Variants in NRXN3 observed in about 807,000 individuals in gnomAD.
NRXN3 encodes neurexin III.
A neutral mutation model predicts 137.6 loss-of-function variants in NRXN3; 32 were observed. The ratio of observed to expected loss-of-function variants is 0.23; its 90% CI spans 0.18 to 0.31. NRXN3 has a LOEUF of 0.31. Ranked by LOEUF, NRXN3 falls within the 10% of genes least tolerant of loss-of-function variation. The probability of loss-of-function intolerance (pLI) is 1.00; values close to 1 mark genes in which losing one functional copy is unlikely to be tolerated. For synonymous variants in NRXN3, 798 were observed against 784.5 expected, an observed-to-expected ratio of 1.02 and a Z score of -0.29; for missense variants, 1,574 against 2,062.5, an observed-to-expected ratio of 0.76 and a Z score of 4.59.
intron 16 of NRXN3, among the ~76,000 whole-genome samples, chr14:79,483,174 T>C (rs1005782281): frequency 6.6e-6 from 1 of 152,236 alleles, no homozygotes; most frequent in Non-Finnish European, 1.5e-5. Context: ...TATTTTGTAA[T>C]GGTTCTCCAA....
chr14:79,051,798 G>T lies in NRXN3; in HGVS notation c.3262+63657G>T, dbSNP rs558361832. ...ACCGCTAAGGGAGGTATCAGTACCT[G>T]GAAGAGGGGAAGCAAATACATGTTC... On this transcript the variant is annotated intron_variant, in intron 15 of 20. Transcript: ENST00000335750. Among the ~76,000 whole-genome samples the T allele has an allele frequency of 1.6e-4, 24 of 152,276 alleles. 1 individual carries two copies. Among genetic ancestry groups the T allele is most frequent in the African/African-American group, 5.8e-4 (24 of 41,564 alleles).
chr14:78,664,119 C>A (rs983696468), intron 6 of NRXN3, among the ~76,000 whole-genome samples: 2 of 152,278 alleles, frequency 1.3e-5, no homozygotes, highest in African/African-American at 2.4e-5. Flanking sequence ...ACACTGCACA[C>A]CAATTATCAA....
chr14:79,044,874 T>C (rs926271526), intron 15 of NRXN3, among the ~76,000 whole-genome samples: 12 of 152,142 alleles, frequency 7.9e-5, no homozygotes, highest in African/African-American at 2.7e-4. Context: ...TTCTCAGCAT[T>C]TTCTTCCAGT....
chr14:79,607,650 A>T (rs1341167559), intron 16 of NRXN3, among the ~76,000 whole-genome samples: 1 of 151,622 alleles, frequency 6.6e-6, no homozygotes, highest in Non-Finnish European at 1.5e-5. Context: ...CGTTTGAGCC[A>T]CATATTTAAA....
chr14:78,287,043 A>G (rs530471027), intron 3 of NRXN3, among the ~76,000 whole-genome samples: 1 of 152,280 alleles, frequency 6.6e-6, no homozygotes, highest in South Asian at 2.1e-4. Context: ...TCACTTGGAG[A>G]GCTAATGAAT....
chr14:78,259,632 A>G (rs375921690), intron 2 of NRXN3, among the ~76,000 whole-genome samples: 27 of 152,268 alleles, frequency 1.8e-4, no homozygotes, highest in Non-Finnish European at 3.7e-4. Context: ...TGGTTTCTTT[A>G]TCTCTGCCCA....
intron 16 of NRXN3, among the ~76,000 whole-genome samples, chr14:79,521,103 G>A (rs1289323691): frequency 1.3e-5 from 2 of 152,062 alleles, no homozygotes; most frequent in East Asian, 3.9e-4. Context: ...TCTGCTTTGT[G>A]ATCTATTGTA....
intron 15 of NRXN3, among the ~76,000 whole-genome samples, chr14:79,459,013 A>G (rs2096291641): frequency 6.6e-6 from 1 of 152,114 alleles, no homozygotes; most frequent in Non-Finnish European, 1.5e-5. Flanking sequence ...ACATATTAGA[A>G]AGCCATTGTC....
rs554192381 is a variant in NRXN3, at chr14:79,663,900, C to T, written c.3567C>T (p.Asn1189=). ...TACGCTTCACCAGGAACGGCGGCAA[C>T]GCCACCCTGCAGGTGGACAACTGGC... The part of the protein sequence containing the change: ...HVVRFTRNGG[N]ATLQVDNWPV... The change falls in exon 17 of 21, where the codon AAC becomes AAT. Residue 1189 remains asparagine, a synonymous_variant. Coordinates refer to ENST00000335750, the MANE Select transcript of NRXN3 (RefSeq NM_001330195.2). 4.2e-5 allele frequency: 68 copies of T among 1,613,536 alleles called. No individual in the cohort carries two copies. Among genetic ancestry groups the T allele is most frequent in the Admixed American group, 1.7e-4 (10 of 59,948 alleles).
intron 15 of NRXN3, among the ~76,000 whole-genome samples, chr14:79,360,044 C>A (rs1489747202): frequency 6.6e-6 from 1 of 152,036 alleles, no homozygotes; most frequent in Non-Finnish European, 1.5e-5. Context: ...AAATGTTATC[C>A]CATTGAGGCT....
At chr14:79,823,592 C>T (rs1317250854) in intron 20 of NRXN3, among the ~76,000 whole-genome samples, 1 of 151,982 alleles carries the variant, frequency 6.6e-6, no homozygotes, top group African/African-American at 2.4e-5. Flanking sequence ...TGAAACAGAA[C>T]AACAACAAAA....
At chr14:78,414,951 A>G (rs1281159881) in intron 4 of NRXN3, among the ~76,000 whole-genome samples, 1 of 152,212 alleles carries the variant, frequency 6.6e-6, no homozygotes, top group African/African-American at 2.4e-5. Context: ...TTTGGTTCCA[A>G]TGCTATCTGA....
At chr14:79,243,567 T>C (rs1206804640) in intron 15 of NRXN3, among the ~76,000 whole-genome samples, 1 of 152,180 alleles carries the variant, frequency 6.6e-6, no homozygotes, top group Non-Finnish European at 1.5e-5. Context: ...CTAAGAAATG[T>C]GTCCTTAAGT....
At chr14:79,740,457 C>A (rs2098957109) in intron 19 of NRXN3, among the ~76,000 whole-genome samples, 1 of 151,722 alleles carries the variant, frequency 6.6e-6, no homozygotes, top group Admixed American at 6.6e-5. Context: ...CAGCCTGAGT[C>A]CATCTTTTCA....
At chr14:78,905,159 A>G (rs2099211490) in intron 10 of NRXN3, among the ~76,000 whole-genome samples, 1 of 151,990 alleles carries the variant, frequency 6.6e-6, no homozygotes, top group African/African-American at 2.4e-5. Context: ...TCTGAAGTGT[A>G]CTGTGCCTAT....
chr14:79,641,949 T>G (rs2098435808), intron 16 of NRXN3, among the ~76,000 whole-genome samples: 1 of 135,634 alleles, frequency 7.4e-6, no homozygotes, highest in African/African-American at 2.5e-5. Context: ...ATGTGGTTTT[T>G]CTTTATGGGA....
chr14:78,229,616 A>C (rs76036057), intron 1 of NRXN3, among the ~76,000 whole-genome samples: 4 of 152,022 alleles, frequency 2.6e-5, no homozygotes, highest in Non-Finnish European at 5.9e-5. Context: ...GAATCCTTCA[A>C]ATTTCCGTCT....
intron 16 of NRXN3, among the ~76,000 whole-genome samples, chr14:79,526,652 A>G (rs73324258): frequency 0.067 from 10,128 of 152,230 alleles, 756 homozygotes; most frequent in African/African-American, 0.18. Context: ...ACAGAGCCAG[A>G]CACTCAATTT....
intron 15 of NRXN3, among the ~76,000 whole-genome samples, chr14:79,133,211 A>G (rs1221151634): frequency 5.3e-5 from 8 of 152,224 alleles, no homozygotes; most frequent in Non-Finnish European, 1.5e-5. Flanking sequence ...AATCAGATGC[A>G]TTGGCTAATA....
Sources: gnomAD v4.1 joint callset for allele counts (sites outside exome capture counted in the v4.1 genomes callset) on GRCh38, gnomAD v4.1.1 for gene constraint, MANE v1.5 for transcripts, NCBI Gene and HGNC (gene_info 2026-07-23, HGNC 2026-07-21) for gene names.